The following SLC7A6 variants were observed in gnomAD, a reference collection of about 807,000 sequenced individuals.
SLC7A6 encodes the protein solute carrier family 7 member 6, also known as Y+L amino acid transporter 2.
A neutral mutation model predicts 46.6 loss-of-function variants in SLC7A6; 29 were observed. That is an observed-to-expected ratio of 0.62 (90% confidence interval 0.46 to 0.85). SLC7A6 has a LOEUF of 0.85. SLC7A6 is among the 40% of genes least tolerant of loss of function. The pLI is 0.00. For synonymous variants in SLC7A6, 276 were observed against 257.3 expected, an observed-to-expected ratio of 1.07 and a Z score of -0.70; for missense variants, 527 against 647.6, an observed-to-expected ratio of 0.81 and a Z score of 2.02.
chr16:68,301,206 A>C lies in SLC7A6; in HGVS notation c.*3878A>C, dbSNP rs1244541813. On this transcript the variant is annotated 3_prime_UTR_variant, in exon 11 of 11. Transcript: ENST00000219343. ...CTAGGAAACCTAACAGGATGTCAGC[A>C]GGGCAGTTAACTCTGGACTCAGAGC... 4.5e-6 allele frequency: 7 copies of C among 1,560,040 alleles called. No individual in the cohort carries two copies. In the Admixed American group the frequency reaches 1.1e-4, roughly 24 times the overall value.
intron 3 of SLC7A6, among the ~76,000 whole-genome samples, chr16:68,279,911 T>C (rs1471868576): frequency 6.6e-6 from 1 of 152,220 alleles, no homozygotes; most frequent in Non-Finnish European, 1.5e-5. Context: ...AGGCTTTCTA[T>C]CCTAGAAGCA....
rs1164065720 is a variant in SLC7A6, at chr16:68,301,601, C to T, written c.*4273C>T. On this transcript the variant is annotated 3_prime_UTR_variant, in exon 11 of 11. Transcript: ENST00000219343. The stretch of plus-strand genomic sequence containing the variant: ...TCCTATCATCTAAACCAAGTTCCTT[C>T]ACACTGGAGTATTTTGTCACTTCTC... The T allele has an allele frequency of 9.1e-6, 4 of 439,796 alleles. No individual in the cohort carries two copies. The highest frequency in any genetic ancestry group is 1.6e-5 in the Non-Finnish European group (4 of 251,076). The allele number at this position is 439,796 out of a possible 1,614,324, so 27.2% of individuals were successfully genotyped here.
chr16:68,291,762 G>GTGTGTGTGTGTGTGTGTGTGTGTGTGT, intron 7 of SLC7A6, 101 bp downstream of exon 7: 3 of 545,986 alleles, frequency 5.5e-6, no homozygotes, highest in East Asian at 3.2e-5. Flanking sequence ...GGGCATATAG[G>GTGTGTGTGTGTGTGTGTGTGTGTGTGT]GTGTGTGTGT....
chr16:68,277,168 C>T (rs1022152400), intron 3 of SLC7A6, among the ~76,000 whole-genome samples: 1 of 151,102 alleles, frequency 6.6e-6, no homozygotes, highest in Non-Finnish European at 1.5e-5. Context: ...CTCACTGCAA[C>T]CTCTGCCTCC....
At chr16:68,288,925 C>T (rs535222988) in intron 4 of SLC7A6, among the ~76,000 whole-genome samples, 639 of 51,692 alleles carry the variant, frequency 0.012, 2 homozygotes, top group African/African-American at 0.015. Context: ...GATTGTGCCA[C>T]TGCCCTCCAT....
At chr16:68,294,969 A>C in intron 8 of SLC7A6, 168 bp downstream of exon 8, 1 of 548,874 alleles carries the variant, frequency 1.8e-6, no homozygotes, top group Non-Finnish European at 3.2e-6. Context: ...ATTACGTTTA[A>C]TTTTGGATTA....
At chr16:68,284,857 G>GTATTTTT (rs1285237242) in intron 3 of SLC7A6, among the ~76,000 whole-genome samples, 3 of 30,896 alleles carry the variant, frequency 9.7e-5, no homozygotes, top group African/African-American at 5.4e-4. Context: ...GTATTTTCTC[G>GTATTTTT]TCTTTTTTTT....
At chr16:68,286,368 T>C (rs1406648411) in intron 3 of SLC7A6, among the ~76,000 whole-genome samples, 2 of 152,054 alleles carry the variant, frequency 1.3e-5, no homozygotes, top group African/African-American at 2.4e-5. Context: ...GAACTAGACC[T>C]TGACTGGGAG....
intron 5 of SLC7A6, 63 bp downstream of exon 5, chr16:68,290,603 G>A: frequency 5.0e-6 from 8 of 1,589,216 alleles, no homozygotes; most frequent in Non-Finnish European, 6.9e-6. Context: ...TAGTGGGCGT[G>A]CCTGCCCTCA....
intron 3 of SLC7A6, chr16:68,287,361 G>C (rs552674542): frequency 7.7e-7 from 1 of 1,292,550 alleles, no homozygotes; most frequent in African/African-American, 1.5e-5. Flanking sequence ...CTCACTTACT[G>C]ATGAGTTTCT....
At position 68,298,468 on chromosome 16, in the gene SLC7A6, T is replaced by C. The variant is rs755695144; in HGVS notation, c.*1140T>C. On this transcript the variant is annotated 3_prime_UTR_variant, in exon 11 of 11. Transcript: ENST00000219343. ...TCTGAAAACCTCACATCAGGCTGCA[T>C]CCTCTTCTGTCCCTGGCACCAGGCT... 7.9e-5 allele frequency: 12 copies of C among 152,330 alleles called. No individual in the cohort carries two copies. Among genetic ancestry groups the C allele is most frequent in the Non-Finnish European group, 1.5e-4 (10 of 68,094 alleles). 9.4% of individuals were successfully genotyped at this position (152,330 alleles called of 1,614,324 possible). A position where few individuals can be genotyped will look rare whatever the true frequency, so the allele number is the denominator to read the frequency against.
chr16:68,282,044 C>CCATT, intron 3 of SLC7A6, among the ~76,000 whole-genome samples: 1 of 152,238 alleles, frequency 6.6e-6, no homozygotes, highest in Non-Finnish European at 1.5e-5. Context: ...CCCTGAGTAT[C>CCATT]CATTGTTTCC....
At chr16:68,293,202 G>T (rs1408640300) in intron 7 of SLC7A6, among the ~76,000 whole-genome samples, 1 of 152,120 alleles carries the variant, frequency 6.6e-6, no homozygotes, top group South Asian at 2.1e-4. Context: ...GATTACCTTA[G>T]GTCAGGAGTT....
intron 7 of SLC7A6, among the ~76,000 whole-genome samples, chr16:68,293,373 G>A (rs918356889): frequency 6.6e-6 from 1 of 152,156 alleles, no homozygotes; most frequent in African/African-American, 2.4e-5. Flanking sequence ...GCAGTGAGCC[G>A]AGATCGCGCC....
rs148532704 is a variant in SLC7A6, at chr16:68,269,304, C to A, written c.-37+2583C>A. On this transcript the variant is annotated intron_variant, in intron 2 of 10. Coordinates refer to ENST00000219343, the MANE Select transcript of SLC7A6 (RefSeq NM_003983.6). ...TCTTGATAGTGGGTTGTTTTTCTTG[C>A]TTTTTTTATGTTGCTTGTAACTTGT... is the stretch of plus-strand genomic sequence containing the variant. 5.2e-3 allele frequency among the ~76,000 whole-genome samples: 787 copies of A among 152,178 alleles called. 8 individuals are homozygous for A. The highest frequency in any genetic ancestry group is 0.017 in the African/African-American group (720 of 41,508).
chr16:68,284,596 G>C, intron 3 of SLC7A6: 1 of 972,000 alleles, frequency 1.0e-6, no homozygotes, highest in Non-Finnish European at 1.2e-6. Context: ...AAACCTGTAG[G>C]ACATTTATGG....
chr16:68,279,192 T>TGGTGGC (rs2042783875), intron 3 of SLC7A6, among the ~76,000 whole-genome samples: 1 of 146,446 alleles, frequency 6.8e-6, no homozygotes, highest in Non-Finnish European at 1.5e-5. Flanking sequence ...AAATTAGGCA[T>TGGTGGC]GGTGGCAGTG....
chr16:68,291,801 T>TGTGTGTGTGTGTGTGTG (rs1555532343), intron 7 of SLC7A6, 140 bp downstream of exon 7: 59 of 310,492 alleles, frequency 1.9e-4, no homozygotes, highest in Middle Eastern at 5.3e-4. Context: ...GTGTGTGTGT[T>TGTGTGTGTGTGTGTGTG]TGGTATGTGG....
intron 4 of SLC7A6, among the ~76,000 whole-genome samples, chr16:68,288,694 G>A (rs1053351109): frequency 6.6e-6 from 1 of 152,036 alleles, no homozygotes; most frequent in African/African-American, 2.4e-5. Context: ...GGCCCGGCAC[G>A]GTGGCTCACG....
Sources: allele counts gnomAD v4.1 joint callset (sites outside exome capture counted in the v4.1 genomes callset), GRCh38; gene constraint gnomAD v4.1.1; transcripts MANE v1.5; gene names NCBI Gene and HGNC (gene_info 2026-07-23, HGNC 2026-07-21).